KLHDC2: variants seen among roughly 807,000 people sequenced by gnomAD.
The protein encoded by KLHDC2 is kelch domain containing 2, also known as kelch domain-containing protein 2.
KLHDC2 carries 38 observed loss-of-function variants against 62.3 expected under a neutral mutation model. The observed-to-expected ratio is 0.61, with a 90% CI of 0.47 to 0.80. The LOEUF is 0.80. Ranked by LOEUF, KLHDC2 falls within the 30% of genes least tolerant of loss-of-function variation. The pLI is 0.00. For missense variants in KLHDC2, 430 were observed against 495.3 expected, an observed-to-expected ratio of 0.87 and a Z score of 1.25; for synonymous variants, 159 against 161.0, an observed-to-expected ratio of 0.99 and a Z score of 0.09.
At chr14:49,780,637 C>T in intron 9 of KLHDC2, 66 bp from the exon 10 acceptor site, 1 of 1,060,512 alleles carries the variant, frequency 9.4e-7, no homozygotes, top group Admixed American at 1.7e-5. Flanking sequence ...CTTGCCAAAG[C>T]TGTGCCCTTT....
chr14:49,778,382 A>G, intron 5 of KLHDC2, 29 bp from the exon 6 acceptor site: 1 of 1,413,068 alleles, frequency 7.1e-7, no homozygotes. Flanking sequence ...TATCATTTCT[A>G]AAATAACGCG....
chr14:49,779,892 T>A, intron 8 of KLHDC2, 86 bp downstream of exon 8: 1 of 906,944 alleles, frequency 1.1e-6, no homozygotes, highest in Non-Finnish European at 1.8e-6. Flanking sequence ...TGTCCTTGCT[T>A]AACTTTTCTT....
At chr14:49,778,810 A>C (rs989048683) in intron 6 of KLHDC2, among the ~76,000 whole-genome samples, 8 of 149,812 alleles carry the variant, frequency 5.3e-5, no homozygotes, top group African/African-American at 1.7e-4. Context: ...TGCAATCTCC[A>C]CCTCCCAGGT....
At chr14:49,771,159 G>A (rs57013712) in intron 1 of KLHDC2, among the ~76,000 whole-genome samples, 2,367 of 152,164 alleles carry the variant, frequency 0.016, 56 homozygotes, top group African/African-American at 0.054. Flanking sequence ...GACCAGCCTG[G>A]CCAACATGGT....
intron 2 of KLHDC2, 23 bp from the exon 3 acceptor site, chr14:49,774,538 A>T: frequency 5.0e-6 from 7 of 1,405,266 alleles, no homozygotes; most frequent in Non-Finnish European, 7.1e-6. Context: ...TAACTTACAT[A>T]CATTTAATTT....
chr14:49,785,356 A>G lies in KLHDC2; in HGVS notation c.*2403A>G, dbSNP rs1337445893. ...AAAATAACAGTTACAAAGGCAATTT[A>G]TACCGCCCTTTACAAAAAATGCTAA... On this transcript the variant is annotated 3_prime_UTR_variant, in exon 13 of 13. Transcript: ENST00000298307. 1 of 1,430,648 alleles carries G rather than the reference A, an allele frequency of 7.0e-7. No individual in the cohort carries two copies. The highest frequency in any genetic ancestry group is 9.9e-7 in the Non-Finnish European group (1 of 1,013,642). The allele number at this position is 1,430,648 out of a possible 1,614,324, so 88.6% of individuals were successfully genotyped here.
At chr14:49,771,474 C>T (rs1175080005) in intron 1 of KLHDC2, 120 bp from the exon 2 acceptor site, 14 of 567,694 alleles carry the variant, frequency 2.5e-5, no homozygotes, top group South Asian at 6.7e-5. Context: ...GAGGATTGTG[C>T]ACTGTAATAC....
Position 49,779,626 on chromosome 14 carries a change from C to A in KLHDC2, c.665C>A (p.Ala222Asp). 6.2e-7 allele frequency: 1 copy of A among 1,614,134 alleles called. No homozygotes were observed. Among genetic ancestry groups the A allele is most frequent in the Non-Finnish European group, 8.5e-7 (1 of 1,180,012 alleles). The change falls in exon 7 of 13, where the codon GCC (alanine) becomes GAC (aspartate). Residue 222 changes from alanine (A) to aspartate (D), a missense_variant. Ala to Asp is a moderately radical substitution (Grantham distance 126). Coordinates refer to ENST00000298307, the MANE Select transcript of KLHDC2 (RefSeq NM_014315.3). ...GCACCTTCACCTCGTGCTGCCCATGCCTGTGCAACTGTCGGAAATAGAGGC... is the reference window on the plus strand; with the variant it reads ...GCACCTTCACCTCGTGCTGCCCATGACTGTGCAACTGTCGGAAATAGAGGC... Reference protein sequence around the residue: ...GKAPSPRAAHACATVGNRGFV... With the variant: ...GKAPSPRAAHDCATVGNRGFV...
At chr14:49,768,857 A>G (rs1889601002) in intron 1 of KLHDC2, 1 of 487,220 alleles carries the variant, frequency 2.1e-6, no homozygotes, top group Admixed American at 4.3e-5. Flanking sequence ...CCTGGTGCTC[A>G]CAAAGCCAAC....
chr14:49,781,384 A>AAG (rs1889899944), intron 10 of KLHDC2, among the ~76,000 whole-genome samples: 1 of 151,632 alleles, frequency 6.6e-6, no homozygotes, highest in South Asian at 2.1e-4. Context: ...AAAAAAAAAA[A>AAG]AGGGGGTAGA....
chr14:49,773,149 C>G (rs1889698039), intron 2 of KLHDC2, among the ~76,000 whole-genome samples: 1 of 152,038 alleles, frequency 6.6e-6, no homozygotes, highest in African/African-American at 2.4e-5. Context: ...CACGGTGGCT[C>G]ACACCTGTAA....
In KLHDC2 at chr14:49,768,206, C is replaced by G. The variant is rs971888181; in HGVS notation, c.-263C>G. Reference sequence around the variant, plus strand: ...ACGCGGACCGCTTCCCTGCAGTGCCCCGAGTCCCGGGCCCGCGCCGCCGCC... The same window carrying G: ...ACGCGGACCGCTTCCCTGCAGTGCCGCGAGTCCCGGGCCCGCGCCGCCGCC... On this transcript the variant is annotated 5_prime_UTR_variant, in exon 1 of 13. Coordinates refer to ENST00000298307, the MANE Select transcript of KLHDC2 (RefSeq NM_014315.3). 2 of 327,690 alleles carry G rather than the reference C, an allele frequency of 6.1e-6. No individual in the cohort carries two copies. Among genetic ancestry groups the G allele is most frequent in the Non-Finnish European group, 1.1e-5 (2 of 182,608 alleles). 20.3% of individuals were successfully genotyped at this position (327,690 alleles called of 1,614,324 possible).
rs1306009693 is a variant in KLHDC2, at chr14:49,782,987, T to C, written c.*34T>C. 5 of 1,600,816 alleles carry C rather than the reference T, an allele frequency of 3.1e-6. No homozygotes were observed. Among genetic ancestry groups the C allele is most frequent in the African/African-American group, 1.3e-5 (1 of 74,500 alleles). ...AAATAATGCCTATGATCACCTTGCATGGACAGCAATCCTGTAAACATCACA... is the reference window on the plus strand; with the variant it reads ...AAATAATGCCTATGATCACCTTGCACGGACAGCAATCCTGTAAACATCACA... On this transcript the variant is annotated 3_prime_UTR_variant, in exon 13 of 13. Coordinates refer to ENST00000298307, the MANE Select transcript of KLHDC2 (RefSeq NM_014315.3).
Position 49,777,848 on chromosome 14 carries a change from C to G in KLHDC2, c.361C>G (p.Leu121Val). Residue 121 changes from leucine (L) to valine (V), a missense_variant, in exon 4 of 13, where the codon CTG (leucine) becomes GTG (valine). By Grantham distance (32) the Leu-to-Val change is conservative. Coordinates refer to ENST00000298307, the MANE Select transcript of KLHDC2 (RefSeq NM_014315.3). ...SRGNTNKFYMLDSRSTDRVLQ... is the reference protein window; with the variant it reads ...SRGNTNKFYMVDSRSTDRVLQ... ...TCATTGCTTCTGACAGTTCTACATG[C>G]TGGATTCAAGGTCTACAGACAGAGT... The G allele has an allele frequency of 6.4e-7, 1 of 1,566,762 alleles. No individual in the cohort carries two copies. Among genetic ancestry groups the G allele is most frequent in the Non-Finnish European group, 8.7e-7 (1 of 1,152,196 alleles).
chr14:49,778,060 A>G, intron 4 of KLHDC2, 106 bp downstream of exon 4: 1 of 890,102 alleles, frequency 1.1e-6, no homozygotes, highest in South Asian at 1.5e-5. Context: ...CATAGGGCCC[A>G]TATGAAGATT....
At position 49,784,405 on chromosome 14, in the gene KLHDC2, T is replaced by A. The variant is rs1890060229; in HGVS notation, c.*1452T>A. The A allele has an allele frequency of 9.5e-6, 4 of 420,442 alleles. No homozygotes were observed. Among genetic ancestry groups the A allele is most frequent in the South Asian group, 9.5e-5 (2 of 21,076 alleles). The allele number at this position is 420,442 out of a possible 1,614,324, so 26.0% of individuals were successfully genotyped here. A position where few individuals can be genotyped will look rare whatever the true frequency, so the allele number is the denominator to read the frequency against. On this transcript the variant is annotated 3_prime_UTR_variant, in exon 13 of 13. Coordinates refer to ENST00000298307, the MANE Select transcript of KLHDC2 (RefSeq NM_014315.3). ...AATGTAGAATAACTACAGATGTATA[T>A]TAATTAGCATTTAACTGTCCACAAA... is the stretch of plus-strand genomic sequence containing the variant.
In KLHDC2 at chr14:49,768,549, C is replaced by T; in HGVS notation, c.81C>T (p.Ala27=). ...AFESYESMEL[A]CPAERSGHVA... is the part of the protein sequence containing the mutation. ...AGAGCTATGAGTCCATGGAGCTTGC[C>T]TGCCCCGCTGAGCGCAGCGGCCACG... Residue 27 remains alanine, a synonymous_variant, in exon 1 of 13, where the codon GCC becomes GCT. Transcript: ENST00000298307. The T allele has an allele frequency of 1.2e-6, 2 of 1,609,248 alleles. No individual in the cohort carries two copies. Among genetic ancestry groups the T allele is most frequent in the Non-Finnish European group, 1.7e-6 (2 of 1,178,406 alleles).
rs1461261154 is a variant in KLHDC2, at chr14:49,782,982, T to C, written c.*29T>C. On this transcript the variant is annotated 3_prime_UTR_variant, in exon 13 of 13. Coordinates refer to ENST00000298307, the MANE Select transcript of KLHDC2 (RefSeq NM_014315.3). ...TTCATAAATAATGCCTATGATCACC[T>C]TGCATGGACAGCAATCCTGTAAACA... 2.5e-6 allele frequency: 4 copies of C among 1,602,946 alleles called. No homozygotes were observed. Among genetic ancestry groups the C allele is most frequent in the African/African-American group, 1.3e-5 (1 of 74,520 alleles).
chr14:49,773,890 T>A (rs1271865066), intron 2 of KLHDC2, among the ~76,000 whole-genome samples: 2 of 152,120 alleles, frequency 1.3e-5, no homozygotes, highest in Non-Finnish European at 2.9e-5. Flanking sequence ...ATAGTAACTT[T>A]TAAAAAAATG....
Sources: allele counts gnomAD v4.1 joint callset (sites outside exome capture counted in the v4.1 genomes callset), GRCh38; gene constraint gnomAD v4.1.1; transcripts MANE v1.5; gene names NCBI Gene and HGNC (gene_info 2026-07-23, HGNC 2026-07-21).